The following TARS1 variants were observed in gnomAD, a reference collection of about 807,000 sequenced individuals.
TARS1 encodes the protein threonine--tRNA ligase 1, cytoplasmic.
Under a neutral mutation model 97.7 loss-of-function variants are expected in TARS1, and 57 were observed. The observed-to-expected ratio is 0.58, with a 90% CI of 0.47 to 0.73. The LOEUF is 0.73. Among genes scored for constraint, TARS1 ranks in the 30% least tolerant of loss-of-function variants. The probability of loss-of-function intolerance (pLI) is 0.00; values close to 1 mark genes in which losing one functional copy is unlikely to be tolerated. For missense variants in TARS1, 806 were observed against 888.3 expected, an observed-to-expected ratio of 0.91 and a Z score of 1.18; for synonymous variants, 312 against 293.7, an observed-to-expected ratio of 1.06 and a Z score of -0.64.
At chr5:33,467,157 A>G (rs868252720) in intron 18 of TARS1, among the ~76,000 whole-genome samples, 172 bp downstream of exon 18, 4 of 127,094 alleles carry the variant, frequency 3.1e-5, no homozygotes, top group Middle Eastern at 3.9e-3. Flanking sequence ...AGGCTCATGC[A>G]TACATACTGG....
In TARS1 at chr5:33,456,136, A is replaced by G. The variant is rs1232590484; in HGVS notation, c.759-13A>G. 1 of 1,613,832 alleles carries G rather than the reference A, an allele frequency of 6.2e-7. No individual in the cohort carries two copies. Among genetic ancestry groups the G allele is most frequent in the Admixed American group, 1.7e-5 (1 of 59,970 alleles). ...TTTTGTCTTTGTTAAAATTCCTTTC[A>G]TTTTATCTTTAGATGTGGCCCTTTG... is the stretch of plus-strand genomic sequence containing the variant. On this transcript the variant is annotated splice_polypyrimidine_tract_variant and intron_variant, in intron 7 of 18. Coordinates refer to ENST00000265112, the MANE Select transcript of TARS1 (RefSeq NM_152295.5).
intron 15 of TARS1, 41 bp downstream of exon 15, chr5:33,462,047 T>G (rs371366021): frequency 1.9e-6 from 3 of 1,602,408 alleles, no homozygotes; most frequent in Non-Finnish European, 2.6e-6. Flanking sequence ...TCCAGGGATA[T>G]ATAAGAGAAA....
In TARS1 at chr5:33,462,024, GC is replaced by G; in HGVS notation, c.1730+19del. The G allele has an allele frequency of 1.2e-6, 2 of 1,610,998 alleles. No homozygotes were observed. Reference sequence around the variant, plus strand: ...TATGTAAGGTGAGTTTCTGGTGTCTGCTCTGAATATTCTCCAGGGATATATA... The same window carrying G: ...TATGTAAGGTGAGTTTCTGGTGTCTGTCTGAATATTCTCCAGGGATATATA... On this transcript the variant is annotated intron_variant, in intron 15 of 18. Coordinates refer to ENST00000265112, the MANE Select transcript of TARS1 (RefSeq NM_152295.5).
intron 17 of TARS1, among the ~76,000 whole-genome samples, chr5:33,466,386 C>G (rs1336437395): frequency 2.4e-4 from 36 of 150,982 alleles, no homozygotes; most frequent in Admixed American, 2.4e-3. Context: ...CTCTGATAAC[C>G]TGATTAAAAA....
chr5:33,442,273 A>T (rs1274094359), intron 1 of TARS1, among the ~76,000 whole-genome samples: 2 of 149,812 alleles, frequency 1.3e-5, no homozygotes, highest in Non-Finnish European at 3.0e-5. Flanking sequence ...AATGGTGACT[A>T]TACGTAGATT....
At chr5:33,457,182 A>C (rs2111559813) in intron 8 of TARS1, 75 bp from the exon 9 acceptor site, 4 of 1,549,280 alleles carry the variant, frequency 2.6e-6, no homozygotes, top group Non-Finnish European at 3.5e-6. Flanking sequence ...ACAAGGCCTC[A>C]AAGCAATTGG....
intron 2 of TARS1, chr5:33,446,637 A>G (rs1229644782): frequency 7.8e-7 from 1 of 1,281,640 alleles, no homozygotes. Context: ...CATCTCTGCA[A>G]TCACAGAGAC....
chr5:33,457,224 G>T (rs751207142), intron 8 of TARS1, 33 bp from the exon 9 acceptor site: 5 of 1,603,316 alleles, frequency 3.1e-6, no homozygotes, highest in East Asian at 4.5e-5. Context: ...TTACAAATTT[G>T]AATGTTGTTT....
intron 3 of TARS1, among the ~76,000 whole-genome samples, chr5:33,452,972 A>G (rs541958876): frequency 6.6e-6 from 1 of 152,058 alleles, no homozygotes; most frequent in South Asian, 2.1e-4. Flanking sequence ...AAAAAAAAAA[A>G]CTTATTTGTT....
chr5:33,447,850 G>A (rs1741498000), intron 2 of TARS1, among the ~76,000 whole-genome samples: 1 of 152,202 alleles, frequency 6.6e-6, no homozygotes, highest in African/African-American at 2.4e-5. Flanking sequence ...CAGATTCACT[G>A]CCTTTTTGAA....
At chr5:33,455,087 A>G (rs1741946318) in intron 5 of TARS1, 21 bp downstream of exon 5, 1 of 1,612,404 alleles carries the variant, frequency 6.2e-7, no homozygotes, top group Non-Finnish European at 8.5e-7. Flanking sequence ...AACTAGATAA[A>G]GAAAACTGAA....
chr5:33,461,447 T>G, intron 13 of TARS1, 152 bp downstream of exon 13: 1 of 1,210,844 alleles, frequency 8.3e-7, no homozygotes, highest in East Asian at 2.5e-5. Context: ...TCTTTATGAT[T>G]GTGTATTTTT....
At position 33,461,891 on chromosome 5, in the gene TARS1, G is replaced by A. The variant is rs925924371; in HGVS notation, c.1630-15G>A. On this transcript the variant is annotated splice_polypyrimidine_tract_variant and intron_variant, in intron 14 of 18. Transcript: ENST00000265112. ...ATCACTGGCATTTTATAATAACCCA[G>A]TCTTTGCTTCTTAGATTGACATACA... is the stretch of plus-strand genomic sequence containing the variant. 1.9e-6 allele frequency: 3 copies of A among 1,609,204 alleles called. No homozygotes were observed. The highest frequency in any genetic ancestry group is 2.6e-6 in the Non-Finnish European group (3 of 1,175,884).
intron 2 of TARS1, among the ~76,000 whole-genome samples, chr5:33,445,679 A>G (rs1171186345): frequency 6.6e-6 from 1 of 152,238 alleles, no homozygotes; most frequent in Non-Finnish European, 1.5e-5. Context: ...CAAAAGTTGA[A>G]GAGGAGACTG....
rs769944995 is a variant in TARS1, at chr5:33,457,379, C to T, written c.960C>T (p.Asn320=). 4 of 1,613,926 alleles carry T rather than the reference C, an allele frequency of 2.5e-6. No individual in the cohort carries two copies. The highest frequency in any genetic ancestry group is 2.2e-5 in the South Asian group (2 of 91,070). Residue 320 remains asparagine, a synonymous_variant, in exon 9 of 19, where the codon AAC becomes AAT. Transcript: ENST00000265112. ...EWEKFQEEAK[N]RDHRKIGRDQ... is the part of the protein sequence containing the mutation. Reference sequence around the variant, plus strand: ...AGAAGTTCCAAGAGGAAGCTAAAAACCGAGATCATAGGAAAATTGGCAGGG... The same window carrying T: ...AGAAGTTCCAAGAGGAAGCTAAAAATCGAGATCATAGGAAAATTGGCAGGG...
chr5:33,455,170 T>C, intron 5 of TARS1, 104 bp downstream of exon 5: 1 of 1,413,986 alleles, frequency 7.1e-7, no homozygotes, highest in Non-Finnish European at 9.6e-7. Context: ...ATCTCACTGC[T>C]TCTTCATCAG....
intron 2 of TARS1, among the ~76,000 whole-genome samples, chr5:33,448,328 G>A (rs529536765): frequency 4.6e-5 from 7 of 152,140 alleles, no homozygotes; most frequent in African/African-American, 1.4e-4. Flanking sequence ...GGTAATTGTC[G>A]ATTCAGCATA....
chr5:33,446,466 G>T (rs1741421903), intron 2 of TARS1: 2 of 347,172 alleles, frequency 5.8e-6, no homozygotes, highest in East Asian at 1.5e-4. Flanking sequence ...AAATGACCTG[G>T]AAATAAGACA....
Position 33,462,394 on chromosome 5 carries a change from C to G in TARS1, c.1835+191C>G, listed in dbSNP as rs895499626. Reference sequence around the variant, plus strand: ...AACTTTTTAGCATTAAGAACAATTGCTAATAGTAATTACTTTAATTCCAGA... The same window carrying G: ...AACTTTTTAGCATTAAGAACAATTGGTAATAGTAATTACTTTAATTCCAGA... On this transcript the variant is annotated intron_variant, in intron 16 of 18. Transcript: ENST00000265112. 1.1e-4 allele frequency among the ~76,000 whole-genome samples: 16 copies of G among 152,224 alleles called. No individual in the cohort carries two copies. The East Asian group carries it at 2.3e-3, about 22-fold the overall frequency.
Sources: gnomAD v4.1 joint callset for allele counts (sites outside exome capture counted in the v4.1 genomes callset) on GRCh38, gnomAD v4.1.1 for gene constraint, MANE v1.5 for transcripts, NCBI Gene and HGNC (gene_info 2026-07-23, HGNC 2026-07-21) for gene names.